ABCB5: variants seen among roughly 807,000 people sequenced by gnomAD.
ABCB5 encodes ATP-binding cassette sub-family B member 5.
A neutral mutation model predicts 144.2 loss-of-function variants in ABCB5; 155 were observed. The ratio of observed to expected loss-of-function variants is 1.08; its 90% CI spans 0.94 to 1.23. The LOEUF is 1.23. Ranked by LOEUF, ABCB5 falls within the 50% of genes most tolerant of loss-of-function variation. The pLI is 0.00. For synonymous variants in ABCB5, 610 were observed against 528.6 expected (o/e 1.15, Z -2.11); for missense variants, 1,830 against 1,520.8 (o/e 1.20, Z -3.38).
In ABCB5 at chr7:20,733,291, G is replaced by A. The variant is rs111320073; in HGVS notation, c.2867+4836G>A. Among the ~76,000 whole-genome samples the A allele has an allele frequency of 8.1e-3, 1,234 of 152,078 alleles. 11 individuals are homozygous for A. Among genetic ancestry groups the A allele is most frequent in the East Asian group, 0.034 (178 of 5,180 alleles). On this transcript the variant is annotated intron_variant, in intron 23 of 27. Coordinates refer to ENST00000404938, the MANE Select transcript of ABCB5 (RefSeq NM_001163941.2). The stretch of plus-strand genomic sequence containing the variant: ...CTTGCTTAGTTTTTCAAACATTCGA[G>A]TATTCAAAGTTGGGCTGATTCCTCA...
chr7:20,650,539 G>C (rs966766178), intron 12 of ABCB5, among the ~76,000 whole-genome samples: 7 of 151,358 alleles, frequency 4.6e-5, no homozygotes, highest in African/African-American at 1.7e-4. Flanking sequence ...CCAGAAGAAT[G>C]ATGTAGAAAA....
At chr7:20,659,375 G>C (rs1784923051) in intron 14 of ABCB5, 3 of 1,248,176 alleles carry the variant, frequency 2.4e-6, no homozygotes, top group Non-Finnish European at 3.0e-6. Flanking sequence ...CTTTGCATTT[G>C]CTTGGAAGTG....
In ABCB5 at chr7:20,728,446, G is replaced by A; in HGVS notation, c.2858G>A (p.Gly953Asp). 4 of 1,614,024 alleles carry A rather than the reference G, an allele frequency of 2.5e-6. No homozygotes were observed. Among genetic ancestry groups the A allele is most frequent in the Non-Finnish European group, 3.4e-6 (4 of 1,179,958 alleles). Residue 953 changes from glycine (G) to aspartate (D), a missense_variant, in exon 23 of 28, where the codon GGC (glycine) becomes GAC (aspartate). Gly to Asp is a moderately conservative substitution (Grantham distance 94, BLOSUM62 -1). Coordinates refer to ENST00000404938, the MANE Select transcript of ABCB5 (RefSeq NM_001163941.2). ...LIQAGRMTPE[G>D]MFIVFTAIAY... ...CAAGCTGGACGAATGACCCCAGAGG[G>A]CATGTTCATGTAAGTCGTGGAAATA... is the stretch of plus-strand genomic sequence containing the variant.
At chr7:20,730,501 T>A (rs963255819) in intron 23 of ABCB5, among the ~76,000 whole-genome samples, 1 of 152,198 alleles carries the variant, frequency 6.6e-6, no homozygotes, top group Non-Finnish European at 1.5e-5. Flanking sequence ...AGAGTGAGAC[T>A]CTGCCTCAAA....
chr7:20,649,766 A>C (rs1332568109), intron 11 of ABCB5, among the ~76,000 whole-genome samples: 1 of 152,218 alleles, frequency 6.6e-6, no homozygotes, highest in African/African-American at 2.4e-5. Flanking sequence ...AAATGTGAAC[A>C]GTTTACTAGT....
chr7:20,635,258 C>A (rs6946164), intron 5 of ABCB5, among the ~76,000 whole-genome samples: 26,533 of 151,914 alleles, frequency 0.17, 3,313 homozygotes, highest in African/African-American at 0.35. Flanking sequence ...TTTCCTTGAT[C>A]TATGTGTCTA....
chr7:20,668,444 C>T (rs1173662651), intron 14 of ABCB5, among the ~76,000 whole-genome samples: 1 of 151,648 alleles, frequency 6.6e-6, no homozygotes, highest in Non-Finnish European at 1.5e-5. Flanking sequence ...AGCGTCTCTG[C>T]CCGGCCGCCC....
At chr7:20,717,216 TGTGTTA>T (rs1781701871) in intron 20 of ABCB5, among the ~76,000 whole-genome samples, 1 of 152,148 alleles carries the variant, frequency 6.6e-6, no homozygotes, top group Non-Finnish European at 1.5e-5. Context: ...GCAAGGACAG[TGTGTTA>T]GTCAGCTCGG....
At position 20,714,568 on chromosome 7, in the gene ABCB5, T is replaced by A. The variant is rs181061899; in HGVS notation, c.2422-8448T>A. On this transcript the variant is annotated intron_variant, in intron 20 of 27. Coordinates refer to ENST00000404938, the MANE Select transcript of ABCB5 (RefSeq NM_001163941.2). ...TTGGAACAGAAGAAATATATTCAGA[T>A]CTTTCTCATTGTACCACCAACACCG... is the stretch of plus-strand genomic sequence containing the variant. Among the ~76,000 whole-genome samples, 7 of 152,302 alleles carry A rather than the reference T, an allele frequency of 4.6e-5. No individual in the cohort carries two copies. In the East Asian group the frequency reaches 1.2e-3, roughly 25 times the overall value.
chr7:20,670,696 G>A (rs1398519582), intron 14 of ABCB5, among the ~76,000 whole-genome samples: 5 of 152,160 alleles, frequency 3.3e-5, no homozygotes, highest in African/African-American at 9.7e-5. Context: ...CATCACCTGA[G>A]GTCGGGAGTT....
At chr7:20,718,985 A>G (rs995579532) in intron 20 of ABCB5, among the ~76,000 whole-genome samples, 1 of 152,176 alleles carries the variant, frequency 6.6e-6, no homozygotes, top group Non-Finnish European at 1.5e-5. Context: ...AGCAACCCAA[A>G]TTGAAGGCAA....
intron 20 of ABCB5, among the ~76,000 whole-genome samples, chr7:20,716,608 A>G (rs930070039): frequency 6.6e-4 from 100 of 152,204 alleles, no homozygotes; most frequent in African/African-American, 2.3e-3. Context: ...ACACACTTAT[A>G]TGCATTAATA....
Position 20,742,929 on chromosome 7 carries a change from G to A in ABCB5, c.3077G>A (p.Cys1026Tyr), listed in dbSNP as rs767519282. ...CGAGAAGTCTCTTTCTTCTATCCAT[G>A]TCGCCCAGATGTTTTCATCCTCCGT... ...EFREVSFFYP[C>Y]RPDVFILRGL... The change falls in exon 25 of 28, where the codon TGT (cysteine) becomes TAT (tyrosine). Residue 1026 changes from cysteine (C) to tyrosine (Y), a missense_variant. Physicochemically the swap from Cys to Tyr is radical, Grantham distance 194. Coordinates refer to ENST00000404938, the MANE Select transcript of ABCB5 (RefSeq NM_001163941.2). 2.5e-6 allele frequency: 4 copies of A among 1,614,166 alleles called. No homozygotes were observed. The highest frequency in any genetic ancestry group is 2.2e-5 in the South Asian group (2 of 91,078).
At chr7:20,699,573 C>T (rs370813885) in intron 17 of ABCB5, among the ~76,000 whole-genome samples, 12 of 152,042 alleles carry the variant, frequency 7.9e-5, no homozygotes, top group Admixed American at 3.3e-4. Context: ...TGGTGGTGCG[C>T]GCCTGTAATC....
chr7:20,755,682 T>A lies in ABCB5; in HGVS notation c.*58T>A. Reference sequence around the variant, plus strand: ...TGTAATGCAAAGAAGGAGTACTTAATAATTACTTGGCAAGCTTTGATCTCT... The same window carrying A: ...TGTAATGCAAAGAAGGAGTACTTAAAAATTACTTGGCAAGCTTTGATCTCT... On this transcript the variant is annotated 3_prime_UTR_variant, in exon 28 of 28. Transcript: ENST00000404938. The A allele has an allele frequency of 6.6e-7, 1 of 1,524,738 alleles. No homozygotes were observed. The highest frequency in any genetic ancestry group is 9.0e-7 in the Non-Finnish European group (1 of 1,106,502). 94.5% of individuals were successfully genotyped at this position (1,524,738 alleles called of 1,614,324 possible).
At chr7:20,753,573 C>A in intron 27 of ABCB5, 67 bp downstream of exon 27, 2 of 1,517,692 alleles carry the variant, frequency 1.3e-6, no homozygotes, top group Non-Finnish European at 8.9e-7. Context: ...ATGGAGGAAA[C>A]CAAGGTAAGT....
chr7:20,666,520 T>C (rs1331821328), intron 14 of ABCB5, among the ~76,000 whole-genome samples: 2 of 152,222 alleles, frequency 1.3e-5, no homozygotes, highest in African/African-American at 4.8e-5. Context: ...CTAGCAATTC[T>C]GGGAGGGATG....
chr7:20,698,744 C>T (rs957251382), intron 17 of ABCB5, among the ~76,000 whole-genome samples, 194 bp downstream of exon 17: 1 of 152,106 alleles, frequency 6.6e-6, no homozygotes, highest in Non-Finnish European at 1.5e-5. Context: ...AAGTGTGTGG[C>T]CGGGCCTTGT....
In ABCB5 at chr7:20,755,753, A is replaced by T. The variant is rs1470551339; in HGVS notation, c.*129A>T. On this transcript the variant is annotated 3_prime_UTR_variant, in exon 28 of 28. Coordinates refer to ENST00000404938, the MANE Select transcript of ABCB5 (RefSeq NM_001163941.2). ...CTAGAATCATGCTACTCAAGTACAT[A>T]CATGTTCTATTCACACACCATCTGA... 5.5e-6 allele frequency: 5 copies of T among 901,224 alleles called. No individual in the cohort carries two copies. The highest frequency in any genetic ancestry group is 2.6e-5 in the East Asian group (1 of 37,980). 55.8% of individuals were successfully genotyped at this position (901,224 alleles called of 1,614,324 possible). A position where few individuals can be genotyped will look rare whatever the true frequency, so the allele number is the denominator to read the frequency against.
Sources: allele counts gnomAD v4.1 joint callset (sites outside exome capture counted in the v4.1 genomes callset), GRCh38; gene constraint gnomAD v4.1.1; transcripts MANE v1.5; gene names NCBI Gene and HGNC (gene_info 2026-07-23, HGNC 2026-07-21).